PRKAR1B: variants seen among roughly 807,000 people sequenced by gnomAD.
The protein encoded by PRKAR1B is protein kinase cAMP-dependent type I regulatory subunit beta, also known as cAMP-dependent protein kinase type I-beta regulatory subunit.
A neutral mutation model predicts 46.5 loss-of-function variants in PRKAR1B; 22 were observed. The observed-to-expected ratio is 0.47, with a 90% CI of 0.34 to 0.68. The LOEUF (loss-of-function observed/expected upper bound fraction) is 0.68, where lower values mean the gene tolerates loss of function less well. Among genes scored for constraint, PRKAR1B ranks in the 30% least tolerant of loss-of-function variants. The pLI is 0.01. For missense variants in PRKAR1B, 445 were observed against 535.6 expected (o/e 0.83, Z 1.67); for synonymous variants, 259 against 217.7 (o/e 1.19, Z -1.67).
intron 4 of PRKAR1B, among the ~76,000 whole-genome samples, chr7:668,350 G>A (rs1786048166): frequency 6.6e-6 from 1 of 152,220 alleles, no homozygotes; most frequent in South Asian, 2.1e-4. Flanking sequence ...CTGCACAGGG[G>A]AGACATCACG....
At chr7:622,169 C>T (rs1783141256) in intron 4 of PRKAR1B, among the ~76,000 whole-genome samples, 1 of 152,230 alleles carries the variant, frequency 6.6e-6, no homozygotes, top group South Asian at 2.1e-4. Context: ...CAGGTTCAGC[C>T]AGTTCTCAGA....
At position 565,915 on chromosome 7, in the gene PRKAR1B, G is replaced by T. The variant is rs1583212178; in HGVS notation, c.891+13341C>A. ...TGGGGAGATTTAGGCAAGGATGTGG[G>T]TACCCCCGGAACACTGCCAAGGGCT... is the stretch of plus-strand genomic sequence containing the variant. On this transcript the variant is annotated intron_variant, in intron 9 of 10. Coordinates refer to ENST00000537384, the MANE Select transcript of PRKAR1B (RefSeq NM_001164760.2). Among the ~76,000 whole-genome samples, 4 of 152,274 alleles carry T rather than the reference G, an allele frequency of 2.6e-5. No homozygotes were observed. In the East Asian group the frequency reaches 5.8e-4, roughly 22 times the overall value.
At chr7:697,634 G>A (rs1007880268) in intron 2 of PRKAR1B, among the ~76,000 whole-genome samples, 2 of 151,918 alleles carry the variant, frequency 1.3e-5, no homozygotes, top group South Asian at 2.1e-4. Flanking sequence ...GGGGTCTCCA[G>A]GAGAGGGCTC....
chr7:657,304 A>ATGG (rs1785263035), intron 4 of PRKAR1B, among the ~76,000 whole-genome samples: 2 of 121,280 alleles, frequency 1.6e-5, no homozygotes, highest in Non-Finnish European at 3.5e-5. Flanking sequence ...TGGATGGATG[A>ATGG]ATGAATGAGT....
chr7:648,758 GGTGACAAGA>G (rs1435600081), intron 4 of PRKAR1B, among the ~76,000 whole-genome samples: 4 of 152,104 alleles, frequency 2.6e-5, no homozygotes, highest in Non-Finnish European at 5.9e-5. Context: ...CTCCAGCCTG[GGTGACAAGA>G]GTAAGACTCC....
upstream of PRKAR1B, among the ~76,000 whole-genome samples, chr7:728,782 C>T (rs1043955667): frequency 2.0e-5 from 3 of 152,170 alleles, no homozygotes; most frequent in Non-Finnish European, 4.4e-5. Context: ...GACTGTGCCT[C>T]TGCCTGGAGC....
intron 9 of PRKAR1B, among the ~76,000 whole-genome samples, chr7:557,019 C>A (rs997253405): frequency 6.6e-6 from 1 of 152,246 alleles, no homozygotes; most frequent in African/African-American, 2.4e-5. Context: ...ACCTCCTGAG[C>A]TGCAGAGAAC....
chr7:643,247 T>C (rs1851672282), intron 4 of PRKAR1B, among the ~76,000 whole-genome samples: 1 of 151,540 alleles, frequency 6.6e-6, no homozygotes, highest in South Asian at 2.1e-4. Context: ...ATTTACAATT[T>C]TGGATGAGAA....
intron 4 of PRKAR1B, among the ~76,000 whole-genome samples, chr7:672,969 C>T (rs542755518): frequency 9.7e-5 from 14 of 143,696 alleles, no homozygotes; most frequent in East Asian, 2.1e-4. Context: ...CACTTGAGCA[C>T]GGAAGGCCGA....
rs111739617 is a variant in PRKAR1B at position 693,238 on chromosome 7, CTT to C, written c.178-12514_178-12513del. On this transcript the variant is annotated intron_variant, in intron 2 of 10. Transcript: ENST00000537384. Reference sequence around the variant, plus strand: ...GTGAGAGCCAGTGGGTCCTGTCGAGCTTTTTTTTTTTTTTTTAATTGAGGTAA... The same window carrying C: ...GTGAGAGCCAGTGGGTCCTGTCGAGCTTTTTTTTTTTTTTAATTGAGGTAA... Among the ~76,000 whole-genome samples, 313 of 138,278 alleles carry C rather than the reference CTT, an allele frequency of 2.3e-3. 1 individual carries two copies. Among genetic ancestry groups the C allele is most frequent in the African/African-American group, 5.2e-3 (196 of 37,466 alleles). 90.7% of individuals were successfully genotyped at this position (138,278 alleles called of 152,430 possible).
intron 4 of PRKAR1B, among the ~76,000 whole-genome samples, chr7:614,044 G>A (rs947904232): frequency 2.0e-5 from 3 of 152,208 alleles, no homozygotes; most frequent in Admixed American, 6.5e-5. Flanking sequence ...CATGGAGGGC[G>A]GGAGGCGTGG....
chr7:726,561 G>A (rs562246038), intron 1 of PRKAR1B: 144 of 487,112 alleles, frequency 3.0e-4, no homozygotes, highest in Middle Eastern at 2.9e-3. Flanking sequence ...GACAGAGGGG[G>A]ACAGCGGGCG....
chr7:552,166 C>T (rs1424171585), intron 9 of PRKAR1B, among the ~76,000 whole-genome samples: 4 of 89,582 alleles, frequency 4.5e-5, no homozygotes, highest in South Asian at 5.4e-4. Flanking sequence ...GCCACCACCA[C>T]GTCACCACCC....
intron 4 of PRKAR1B, among the ~76,000 whole-genome samples, chr7:661,258 C>A (rs1173957838): frequency 2.8e-5 from 2 of 71,948 alleles, no homozygotes; most frequent in Non-Finnish European, 5.6e-5. Flanking sequence ...TACTCTCCCC[C>A]CCATGGCACA....
In PRKAR1B at chr7:714,572, T is replaced by G. The variant is rs1360753754; in HGVS notation, c.-22-3045A>C. Among the ~76,000 whole-genome samples the G allele has an allele frequency of 1.3e-5, 2 of 152,192 alleles. No individual in the cohort carries two copies. The highest frequency in any genetic ancestry group is 1.3e-4 in the Admixed American group (2 of 15,280). On this transcript the variant is annotated intron_variant, in intron 1 of 10. Transcript: ENST00000537384. The surrounding 1 kb of genome is among the most constrained non-coding windows in gnomAD (Gnocchi z 4.3). ...TTCACACTTTTCCCCGCCACTCAGA[T>G]CCCTGTTCCAGTGGCCCCCACCCCA...
intron 4 of PRKAR1B, among the ~76,000 whole-genome samples, chr7:628,652 T>C (rs913415139): frequency 6.6e-6 from 1 of 152,132 alleles, no homozygotes; most frequent in Non-Finnish European, 1.5e-5. Flanking sequence ...GGCCAGGCGA[T>C]GGCGGGAAAA....
chr7:567,561 T>TCA (rs1779250122), intron 9 of PRKAR1B, among the ~76,000 whole-genome samples: 2 of 124,668 alleles, frequency 1.6e-5, no homozygotes, highest in Admixed American at 7.9e-5. Flanking sequence ...CACCATCACC[T>TCA]TCATCACCAT....
chr7:550,639 G>A (rs1482078466), intron 10 of PRKAR1B, 37 bp from the exon 11 acceptor site: 2 of 1,492,238 alleles, frequency 1.3e-6, no homozygotes, highest in East Asian at 2.3e-5. Flanking sequence ...CTGGGCCTGG[G>A]GGTCCTGAGG....
chr7:623,723 C>T (rs1783232154), intron 4 of PRKAR1B, among the ~76,000 whole-genome samples: 1 of 152,246 alleles, frequency 6.6e-6, no homozygotes, highest in Non-Finnish European at 1.5e-5. Context: ...ACCGCAAGAC[C>T]CCATTGCAGT....
Sources: gnomAD v4.1 joint callset for allele counts (sites outside exome capture counted in the v4.1 genomes callset) on GRCh38, gnomAD v4.1.1 for gene constraint, Gnocchi (gnomAD v3.1) non-coding constraint, MANE v1.5 for transcripts, NCBI Gene and HGNC (gene_info 2026-07-23, HGNC 2026-07-21) for gene names.